Variants in MRPL15 observed in about 807,000 individuals in gnomAD.
MRPL15 encodes large ribosomal subunit protein uL15m.
A neutral mutation model predicts 28.0 loss-of-function variants in MRPL15; 24 were observed. The observed-to-expected ratio is 0.86, with a 90% CI of 0.62 to 1.21. The LOEUF is 1.21. MRPL15 is among the 50% of genes most tolerant of loss of function. The pLI, the probability that MRPL15 is intolerant of heterozygous loss-of-function variation, is 0.00. For missense variants in MRPL15, 343 were observed against 372.4 expected (o/e 0.92, Z 0.65); for synonymous variants, 124 against 137.0 (o/e 0.90, Z 0.66).
chr8:54,147,539 C>A lies in MRPL15; in HGVS notation c.711C>A (p.Ala237=). ...TTCCTGAAGCACGACTTGAACTCGC[C>A]AGGAAGTATGGTTATATCTTACCTG... ...AKFPEARLEL[A]RKYGYILPDI... The change falls in exon 5 of 5, where the codon GCC becomes GCA. Residue 237 remains alanine (A), a synonymous_variant. Coordinates refer to ENST00000260102, the MANE Select transcript of MRPL15 (RefSeq NM_014175.4). The A allele has an allele frequency of 1.2e-6, 2 of 1,614,132 alleles. No individual in the cohort carries two copies.
chr8:54,147,801 T>G lies in MRPL15; in HGVS notation c.*82T>G. Reference sequence around the variant, plus strand: ...CTATATTCCCTTATTGCATTTTCCTTATGTATAATTTTCCAGATGGTGATG... The same window carrying G: ...CTATATTCCCTTATTGCATTTTCCTGATGTATAATTTTCCAGATGGTGATG... On this transcript the variant is annotated 3_prime_UTR_variant, in exon 5 of 5. Coordinates refer to ENST00000260102, the MANE Select transcript of MRPL15 (RefSeq NM_014175.4). 8.0e-7 allele frequency: 1 copy of G among 1,243,836 alleles called. No individual in the cohort carries two copies. The highest frequency in any genetic ancestry group is 1.1e-6 in the Non-Finnish European group (1 of 904,816). 77.0% of individuals were successfully genotyped at this position (1,243,836 alleles called of 1,614,324 possible).
In MRPL15 at chr8:54,136,660, A is replaced by T. The variant is rs772990161; in HGVS notation, c.258A>T (p.Gly86=). 1 of 1,613,494 alleles carries T rather than the reference A, an allele frequency of 6.2e-7. No homozygotes were observed. Among genetic ancestry groups the T allele is most frequent in the Non-Finnish European group, 8.5e-7 (1 of 1,179,652 alleles). ...IRIPKYGFNE[G]HSFRRQYKPL... ...TCCCAAAATACGGGTTTAACGAAGG[A>T]CATAGGTAAGGTTGCTTTGCTTTTT... The change falls in exon 2 of 5, where the codon GGA becomes GGT. Residue 86 remains glycine, a synonymous_variant. Coordinates refer to ENST00000260102, the MANE Select transcript of MRPL15 (RefSeq NM_014175.4).
intron 4 of MRPL15, 33 bp downstream of exon 4, chr8:54,142,819 T>C (rs1337396290): frequency 6.2e-7 from 1 of 1,609,102 alleles, no homozygotes; most frequent in Non-Finnish European, 8.5e-7. Context: ...TTCTTCTTTC[T>C]CTCTTTGTCT....
At chr8:54,135,489 AGT>A in intron 1 of MRPL15, 98 bp downstream of exon 1, 5 of 948,538 alleles carry the variant, frequency 5.3e-6, no homozygotes, top group African/African-American at 3.5e-5. Flanking sequence ...TTTCTAGGAG[AGT>A]GTTGGGATGA....
chr8:54,141,838 T>C (rs1810931298), intron 3 of MRPL15, among the ~76,000 whole-genome samples: 2 of 151,458 alleles, frequency 1.3e-5, no homozygotes, highest in South Asian at 4.2e-4. Flanking sequence ...AGAATTGTTT[T>C]CTTATTGTTG....
chr8:54,140,163 A>C (rs1810894232), intron 3 of MRPL15, among the ~76,000 whole-genome samples: 1 of 152,184 alleles, frequency 6.6e-6, no homozygotes, highest in African/African-American at 2.4e-5. Context: ...TTTTATCAGA[A>C]TCTGCTTTGA....
rs79845362 is a variant in MRPL15 at position 54,145,703 on chromosome 8, T to C, written c.554-1679T>C. 2.2e-3 allele frequency among the ~76,000 whole-genome samples: 338 copies of C among 152,308 alleles called. 11 individuals are homozygous for C. In the East Asian group the frequency reaches 0.053, roughly 24 times the overall value. On this transcript the variant is annotated intron_variant, in intron 4 of 4. Coordinates refer to ENST00000260102, the MANE Select transcript of MRPL15 (RefSeq NM_014175.4). ...GTTGCTCAGGCTGGTCTTGAACTCC[T>C]GCGCTCAAGCAATTCTCCTACCTCC... is the stretch of plus-strand genomic sequence containing the variant.
chr8:54,147,522 G>A lies in MRPL15; in HGVS notation c.694G>A (p.Ala232Thr). 6.2e-7 allele frequency: 1 copy of A among 1,614,144 alleles called. No individual in the cohort carries two copies. Reference protein sequence around the residue: ...YLADPAKFPEARLELARKYGY... With the variant: ...YLADPAKFPETRLELARKYGY... ...GGCGGATCCTGCCAAATTTCCTGAAGCACGACTTGAACTCGCCAGGAAGTA... is the reference window on the plus strand; with the variant it reads ...GGCGGATCCTGCCAAATTTCCTGAAACACGACTTGAACTCGCCAGGAAGTA... The change falls in exon 5 of 5, where the codon GCA (alanine) becomes ACA (threonine). Residue 232 changes from alanine to threonine, a missense_variant. Transcript: ENST00000260102.
intron 2 of MRPL15, 101 bp from the exon 3 acceptor site, chr8:54,137,167 A>C: frequency 8.2e-7 from 1 of 1,223,046 alleles, no homozygotes; most frequent in Non-Finnish European, 1.2e-6. Flanking sequence ...TGTTTAGTTA[A>C]ATAAAATTGG....
chr8:54,144,097 T>C (rs1210572456), intron 4 of MRPL15, among the ~76,000 whole-genome samples: 3 of 152,240 alleles, frequency 2.0e-5, no homozygotes, highest in Non-Finnish European at 2.9e-5. Context: ...CATTTCTCTT[T>C]CTCTGTTCAT....
intron 2 of MRPL15, 110 bp from the exon 3 acceptor site, chr8:54,137,158 G>C: frequency 9.0e-7 from 1 of 1,114,342 alleles, no homozygotes; most frequent in Non-Finnish European, 1.3e-6. Flanking sequence ...AGAGGGTTTT[G>C]TTTAGTTAAA....
At chr8:54,141,029 C>CTCAGATTTTG (rs1204901947) in intron 3 of MRPL15, among the ~76,000 whole-genome samples, 180 of 152,096 alleles carry the variant, frequency 1.2e-3, no homozygotes, top group Admixed American at 3.1e-3. Flanking sequence ...TTCTCCAAAG[C>CTCAGATTTTG]TCAGATTTTG....
At chr8:54,144,766 G>A (rs1370140944) in intron 4 of MRPL15, among the ~76,000 whole-genome samples, 1 of 144,572 alleles carries the variant, frequency 6.9e-6, no homozygotes, top group African/African-American at 2.7e-5. Context: ...GTGGCAAAGT[G>A]AGACTGTCTC....
chr8:54,140,636 C>T (rs59270026), intron 3 of MRPL15, among the ~76,000 whole-genome samples: 15,481 of 140,144 alleles, frequency 0.11, 2,043 homozygotes, highest in African/African-American at 0.33. Flanking sequence ...TGCAGTGGCG[C>T]GATCTCGGCT....
intron 3 of MRPL15, among the ~76,000 whole-genome samples, chr8:54,140,828 C>T (rs376822992): frequency 2.4e-4 from 35 of 147,054 alleles, no homozygotes; most frequent in South Asian, 6.3e-4. Context: ...GTGATCCACC[C>T]GCCTTGGCCT....
intron 3 of MRPL15, among the ~76,000 whole-genome samples, chr8:54,142,142 C>G (rs1171510539): frequency 6.6e-6 from 1 of 150,576 alleles, no homozygotes; most frequent in African/African-American, 2.5e-5. Flanking sequence ...AGCCACCATG[C>G]CTGGCCTTAT....
intron 4 of MRPL15, 102 bp downstream of exon 4, chr8:54,142,888 A>G: frequency 1.4e-6 from 2 of 1,470,474 alleles, no homozygotes; most frequent in Non-Finnish European, 9.4e-7. Flanking sequence ...AGTAGTTTGG[A>G]TGTAGTATTG....
In MRPL15 at chr8:54,137,422, C is replaced by T; in HGVS notation, c.418C>T (p.Leu140=). ...QPLKRDYGVQ[L]VEEGADTFTA... Reference sequence around the variant, plus strand: ...ACTTAAAAGGGATTATGGTGTCCAGCTGGTTGAGGAGGTAAGTCTTGATTA... The same window carrying T: ...ACTTAAAAGGGATTATGGTGTCCAGTTGGTTGAGGAGGTAAGTCTTGATTA... Residue 140 remains leucine (L), a synonymous_variant, in exon 3 of 5, where the codon CTG becomes TTG. Transcript: ENST00000260102. 1.2e-6 allele frequency: 2 copies of T among 1,613,654 alleles called. No homozygotes were observed. Among genetic ancestry groups the T allele is most frequent in the Admixed American group, 1.7e-5 (1 of 59,900 alleles).
intron 3 of MRPL15, among the ~76,000 whole-genome samples, chr8:54,139,366 A>T (rs1810881785): frequency 1.3e-5 from 2 of 152,226 alleles, no homozygotes; most frequent in African/African-American, 2.4e-5. Flanking sequence ...GTTAGTGTCC[A>T]CTAGAGGGAA....
Sources: gnomAD v4.1 joint callset for allele counts (sites outside exome capture counted in the v4.1 genomes callset) on GRCh38, gnomAD v4.1.1 for gene constraint, MANE v1.5 for transcripts, NCBI Gene and HGNC (gene_info 2026-07-23, HGNC 2026-07-21) for gene names.